The following PCSK5 variants were observed in gnomAD, a reference collection of about 807,000 sequenced individuals.
PCSK5 encodes proprotein convertase subtilisin/kexin type 5, also known as prohormone convertase 5.
A neutral mutation model predicts 233.2 loss-of-function variants in PCSK5; 129 were observed. That is an observed-to-expected ratio of 0.55 (90% CI 0.48 to 0.64). PCSK5 has a LOEUF of 0.64. Ranked by LOEUF, PCSK5 falls within the 30% of genes least tolerant of loss-of-function variation. The pLI is 0.00. For synonymous variants in PCSK5, 825 were observed against 879.2 expected, an observed-to-expected ratio of 0.94 and a Z score of 1.09; for missense variants, 2,076 against 2,430.1, an observed-to-expected ratio of 0.85 and a Z score of 3.06.
intron 5 of PCSK5, among the ~76,000 whole-genome samples, chr9:76,066,499 G>A (rs991714817): frequency 4.6e-5 from 7 of 152,040 alleles, no homozygotes; most frequent in Non-Finnish European, 7.4e-5. Context: ...ATTGTTCTTC[G>A]TATTGTTGTT....
intron 3 of PCSK5, among the ~76,000 whole-genome samples, chr9:76,004,822 A>G (rs1292593542): frequency 6.6e-6 from 1 of 152,194 alleles, no homozygotes; most frequent in Non-Finnish European, 1.5e-5. Context: ...TTACAGCACA[A>G]CAGAATGTTC....
At chr9:76,175,158 TAA>T in intron 14 of PCSK5, 29 bp downstream of exon 14, 1 of 1,603,598 alleles carries the variant, frequency 6.2e-7, no homozygotes, top group Non-Finnish European at 8.5e-7. Flanking sequence ...GGACACAGGC[TAA>T]AAAGAGGCAG....
chr9:75,891,528 TACGC>T (rs1377208649), intron 1 of PCSK5, among the ~76,000 whole-genome samples, 155 bp downstream of exon 1: 5 of 56,438 alleles, frequency 8.9e-5, no homozygotes, highest in East Asian at 3.9e-4. Context: ...CGCGCGCGCG[TACGC>T]ACACACACAC....
intron 13 of PCSK5, among the ~76,000 whole-genome samples, chr9:76,173,274 T>C (rs1040426664): frequency 3.9e-5 from 6 of 152,074 alleles, no homozygotes; most frequent in Non-Finnish European, 7.4e-5. Context: ...TGCTCATAGA[T>C]GAAGGAAGCT....
At chr9:76,063,075 A>C (rs180720655) in intron 5 of PCSK5, among the ~76,000 whole-genome samples, 2 of 152,060 alleles carry the variant, frequency 1.3e-5, no homozygotes, top group African/African-American at 2.4e-5. Flanking sequence ...GGCTGATGTC[A>C]CTTAACATAA....
chr9:76,249,160 T>C (rs1826716266), intron 24 of PCSK5, among the ~76,000 whole-genome samples: 1 of 152,224 alleles, frequency 6.6e-6, no homozygotes, highest in African/African-American at 2.4e-5. Flanking sequence ...CAGACAGTTT[T>C]GATTGTCGTG....
intron 35 of PCSK5, among the ~76,000 whole-genome samples, chr9:76,340,128 A>C (rs1414835521): frequency 1.3e-5 from 2 of 152,116 alleles, no homozygotes; most frequent in Admixed American, 6.5e-5. Context: ...CTGCTTTATC[A>C]TGGAAATTTT....
In PCSK5 at chr9:75,896,508, G is replaced by T. The variant is rs556423295; in HGVS notation, c.192+5135G>T. On this transcript the variant is annotated intron_variant, in intron 1 of 37. Transcript: ENST00000674117. ...CAGAAATATCCCCTGGGCAGGGAGG[G>T]ATATTTTTGTTGTCGGTTCAAGTTA... Among the ~76,000 whole-genome samples, 6 of 152,282 alleles carry T rather than the reference G, an allele frequency of 3.9e-5. No homozygotes were observed. The South Asian group carries it at 1.2e-3, about 32-fold the overall frequency.
At chr9:76,010,533 G>C (rs1458980858) in intron 3 of PCSK5, among the ~76,000 whole-genome samples, 1 of 152,150 alleles carries the variant, frequency 6.6e-6, no homozygotes, top group Admixed American at 6.5e-5. Flanking sequence ...AAAGTGGAAA[G>C]GGCTGCATTT....
chr9:75,974,742 C>T (rs567949881), intron 2 of PCSK5, among the ~76,000 whole-genome samples: 1 of 152,332 alleles, frequency 6.6e-6, no homozygotes, highest in East Asian at 1.9e-4. Flanking sequence ...GTGGGGCCCA[C>T]ATTGCGGGTC....
chr9:76,086,115 C>A (rs1040725206), intron 7 of PCSK5, among the ~76,000 whole-genome samples: 2 of 152,122 alleles, frequency 1.3e-5, no homozygotes, highest in African/African-American at 2.4e-5. Flanking sequence ...AAACCTGGCC[C>A]TCCTGAAAGT....
chr9:75,984,853 G>A (rs573867673), intron 2 of PCSK5, among the ~76,000 whole-genome samples: 2 of 152,278 alleles, frequency 1.3e-5, no homozygotes, highest in African/African-American at 2.4e-5. Context: ...AATAGAAAAT[G>A]TACGTGCAAA....
intron 10 of PCSK5, among the ~76,000 whole-genome samples, chr9:76,138,197 TTACA>T (rs762979425): frequency 5.9e-5 from 9 of 152,112 alleles, no homozygotes; most frequent in Non-Finnish European, 1.0e-4. Flanking sequence ...CTGGTGTAAC[TTACA>T]TACAGAAACA....
At chr9:76,334,348 A>T (rs1023246491) in intron 34 of PCSK5, among the ~76,000 whole-genome samples, 1 of 152,226 alleles carries the variant, frequency 6.6e-6, no homozygotes, top group African/African-American at 2.4e-5. Flanking sequence ...TTCCCAAGAA[A>T]ATTATAAACT....
chr9:76,237,627 A>G (rs992726422), intron 22 of PCSK5, among the ~76,000 whole-genome samples: 4 of 150,502 alleles, frequency 2.7e-5, no homozygotes, highest in African/African-American at 9.8e-5. Context: ...AAAAAAAAAA[A>G]TGGTTGGGCA....
At chr9:76,268,784 G>T (rs974635524) in intron 24 of PCSK5, among the ~76,000 whole-genome samples, 1 of 152,184 alleles carries the variant, frequency 6.6e-6, no homozygotes, top group Non-Finnish European at 1.5e-5. Flanking sequence ...GGTCAAGGCT[G>T]CAGTAACCTG....
chr9:75,962,130 G>A, intron 2 of PCSK5, among the ~76,000 whole-genome samples: 1 of 14,798 alleles, frequency 6.8e-5, no homozygotes, highest in East Asian at 6.4e-4. Flanking sequence ...AGTAACTGGG[G>A]GAGGGGGCCA....
chr9:76,341,488 C>T (rs1017974250), intron 35 of PCSK5, among the ~76,000 whole-genome samples: 1 of 152,030 alleles, frequency 6.6e-6, no homozygotes, highest in Non-Finnish European at 1.5e-5. Context: ...GAGACGATGT[C>T]TCGCCATGTT....
intron 20 of PCSK5, among the ~76,000 whole-genome samples, chr9:76,223,702 A>G (rs1022441019): frequency 6.6e-6 from 1 of 152,210 alleles, no homozygotes; most frequent in Non-Finnish European, 1.5e-5. Flanking sequence ...GATGCCAGAA[A>G]GAAGAGCTTG....
Sources: allele counts gnomAD v4.1 joint callset (sites outside exome capture counted in the v4.1 genomes callset), GRCh38; gene constraint gnomAD v4.1.1; transcripts MANE v1.5; gene names NCBI Gene and HGNC (gene_info 2026-07-23, HGNC 2026-07-21).